Variants in ESRRB observed in about 807,000 individuals in gnomAD.
ESRRB encodes the protein steroid hormone receptor ERR2.
Under a neutral mutation model 46.0 loss-of-function variants are expected in ESRRB, and 16 were observed. The ratio of observed to expected loss-of-function variants is 0.35; its 90% CI spans 0.24 to 0.53. ESRRB has a LOEUF of 0.53. Among genes scored for constraint, ESRRB ranks in the 20% least tolerant of loss-of-function variants. The probability of loss-of-function intolerance (pLI) is 0.93; values close to 1 mark genes in which losing one functional copy is unlikely to be tolerated. For missense variants in ESRRB, 488 were observed against 607.4 expected, an observed-to-expected ratio of 0.80 and a Z score of 2.07; for synonymous variants, 246 against 259.6, an observed-to-expected ratio of 0.95 and a Z score of 0.50.
chr14:76,482,673 A>AG lies in ESRRB; in HGVS notation c.769dup (p.Asp257GlyfsTer10), dbSNP rs1889856087. On this transcript the variant is annotated frameshift_variant, in exon 5 of 7. Coordinates refer to ENST00000644823, the MANE Select transcript of ESRRB (RefSeq NM_001379180.1). LOFTEE classifies it high-confidence loss of function. The surrounding 1 kb of genome is among the most constrained non-coding windows in gnomAD (Gnocchi z 4.3). ...GCCATGCCTCCCCCTGGTATGCCTG[A>AG]GGGGGACATCAAGGCCCTGACCACT... The AG allele has an allele frequency of 2.5e-6, 4 of 1,614,100 alleles. No homozygotes were observed. The African/African-American group carries it at 5.3e-5, about 22-fold the overall frequency.
intron 6 of ESRRB, among the ~76,000 whole-genome samples, chr14:76,497,559 A>G (rs1347147711): frequency 6.6e-6 from 1 of 152,170 alleles, no homozygotes; most frequent in Admixed American, 6.5e-5. Flanking sequence ...AACTCCCTAT[A>G]GCTCCCTCCA....
chr14:76,469,954 T>C (rs1460432306), intron 3 of ESRRB, among the ~76,000 whole-genome samples: 2 of 138,778 alleles, frequency 1.4e-5, no homozygotes, highest in East Asian at 2.0e-4. Context: ...CTTTTTTTTT[T>C]TTTTTTTTTT....
chr14:76,328,710 G>T (rs1883967411), intron 1 of ESRRB, among the ~76,000 whole-genome samples: 1 of 152,038 alleles, frequency 6.6e-6, no homozygotes, highest in Non-Finnish European at 1.5e-5. Flanking sequence ...TCATGACTCT[G>T]CTAGATTCTC....
At chr14:76,358,323 A>AAAAAAAGAAAGAAAGAAAG (rs1884410928) in intron 1 of ESRRB, among the ~76,000 whole-genome samples, 1 of 53,100 alleles carries the variant, frequency 1.9e-5, no homozygotes, top group East Asian at 5.2e-4. Flanking sequence ...AAAAAAAAAA[A>AAAAAAAGAAAGAAAGAAAG]AAAGAAAGAA....
intron 2 of ESRRB, among the ~76,000 whole-genome samples, chr14:76,453,652 C>T (rs557218027): frequency 6.9e-6 from 1 of 144,940 alleles, no homozygotes; most frequent in African/African-American, 2.7e-5. Context: ...GGCTGAAGTG[C>T]AGTGGCACAA....
intron 1 of ESRRB, among the ~76,000 whole-genome samples, chr14:76,394,012 A>C (rs1885574277): frequency 7.3e-6 from 1 of 137,246 alleles, no homozygotes; most frequent in African/African-American, 2.7e-5. Context: ...GTTTCACCAC[A>C]CTGGCCAGGC....
intron 3 of ESRRB, among the ~76,000 whole-genome samples, chr14:76,478,429 C>T (rs1261707843): frequency 1.5e-5 from 2 of 130,608 alleles, no homozygotes; most frequent in African/African-American, 5.4e-5. Flanking sequence ...TGCCGAGGGA[C>T]AGACACCTCT....
intron 3 of ESRRB, among the ~76,000 whole-genome samples, chr14:76,477,264 G>T (rs1230634671): frequency 6.6e-6 from 1 of 152,162 alleles, no homozygotes; most frequent in African/African-American, 2.4e-5. Flanking sequence ...GCAAGCCAGG[G>T]TCCTGTCCTC....
intron 2 of ESRRB, among the ~76,000 whole-genome samples, chr14:76,445,253 T>G (rs75528047): frequency 0.099 from 14,862 of 150,242 alleles, 1,290 homozygotes; most frequent in African/African-American, 0.23. Context: ...GTGGATTACC[T>G]AAGATCAGGT....
chr14:76,416,926 T>A (rs1886730931), intron 1 of ESRRB, among the ~76,000 whole-genome samples: 1 of 152,152 alleles, frequency 6.6e-6, no homozygotes, highest in Non-Finnish European at 1.5e-5. Context: ...AATAATAGAA[T>A]GTCAGATATT....
chr14:76,467,997 C>A (rs546552099), intron 3 of ESRRB, among the ~76,000 whole-genome samples: 1 of 152,296 alleles, frequency 6.6e-6, no homozygotes, highest in African/African-American at 2.4e-5. Context: ...GGGCCGACAT[C>A]CATGCAATAT....
intron 6 of ESRRB, among the ~76,000 whole-genome samples, chr14:76,497,056 CG>C (rs1173380691): frequency 6.6e-6 from 1 of 151,940 alleles, no homozygotes; most frequent in Admixed American, 6.6e-5. Flanking sequence ...TGGGGAGAGT[CG>C]GGGGAGGATG....
At chr14:76,413,845 C>G (rs1267835516) in intron 1 of ESRRB, among the ~76,000 whole-genome samples, 1 of 133,898 alleles carries the variant, frequency 7.5e-6, no homozygotes, top group Non-Finnish European at 1.6e-5. Context: ...CCCGTACCAT[C>G]CTCACCCCTG....
At chr14:76,336,449 G>T (rs1884127508) in intron 1 of ESRRB, among the ~76,000 whole-genome samples, 1 of 152,224 alleles carries the variant, frequency 6.6e-6, no homozygotes, top group African/African-American at 2.4e-5. Flanking sequence ...GGATGAAGGG[G>T]CAGAAAGGCC....
rs2140031990 is a variant in ESRRB at position 76,482,523 on chromosome 14, T to C, written c.689-75T>C. On this transcript the variant is annotated intron_variant, in intron 4 of 6. Transcript: ENST00000644823. The surrounding 1 kb of genome is among the most constrained non-coding windows in gnomAD (Gnocchi z 4.3). ...CTCTTAGGAACCCAACTTTGCTTCC[T>C]GACCCATCTGAGCCTCCACCCCGGC... 6.4e-7 allele frequency: 1 copy of C among 1,551,028 alleles called. No individual in the cohort carries two copies.
chr14:76,426,906 G>A (rs72731651), intron 1 of ESRRB, among the ~76,000 whole-genome samples: 12,574 of 152,198 alleles, frequency 0.083, 677 homozygotes, highest in East Asian at 0.22. Context: ...TAAAGACAAT[G>A]GTAGTTGAAT....
chr14:76,339,553 G>A (rs1372689535), intron 1 of ESRRB, among the ~76,000 whole-genome samples: 1 of 152,174 alleles, frequency 6.6e-6, no homozygotes, highest in Non-Finnish European at 1.5e-5. Context: ...GACGTGTACT[G>A]TACCATGTCC....
chr14:76,328,976 C>T (rs559045575), intron 1 of ESRRB, among the ~76,000 whole-genome samples: 2 of 152,158 alleles, frequency 1.3e-5, no homozygotes, highest in South Asian at 4.2e-4. Flanking sequence ...TTTGTGGAGT[C>T]CAGTTCAAAA....
At chr14:76,397,006 C>G (rs1000140147) in intron 1 of ESRRB, among the ~76,000 whole-genome samples, 1 of 152,178 alleles carries the variant, frequency 6.6e-6, no homozygotes, top group African/African-American at 2.4e-5. Flanking sequence ...GCCAGCCGCC[C>G]GGGCACGGAC....
Sources: gnomAD v4.1 joint callset for allele counts (sites outside exome capture counted in the v4.1 genomes callset) on GRCh38, gnomAD v4.1.1 for gene constraint, Gnocchi (gnomAD v3.1) non-coding constraint, MANE v1.5 for transcripts, NCBI Gene and HGNC (gene_info 2026-07-23, HGNC 2026-07-21) for gene names.